Variants in HECW1 observed in about 807,000 individuals in gnomAD.
The protein encoded by HECW1 is E3 ubiquitin-protein ligase HECW1.
A neutral mutation model predicts 182.3 loss-of-function variants in HECW1; 61 were observed. The ratio of observed to expected loss-of-function variants is 0.33; its 90% CI spans 0.27 to 0.41. The LOEUF (loss-of-function observed/expected upper bound fraction) is 0.41. Ranked by LOEUF, HECW1 falls within the 10% of genes least tolerant of loss-of-function variation. The probability of loss-of-function intolerance (pLI) is 1.00; values close to 1 mark genes in which losing one functional copy is unlikely to be tolerated. For missense variants in HECW1, 1,739 were observed against 2,108.9 expected (o/e 0.82, Z 3.44); for synonymous variants, 859 against 832.6 (o/e 1.03, Z -0.55).
intron 10 of HECW1, among the ~76,000 whole-genome samples, chr7:43,442,964 A>T (rs2076935439): frequency 6.6e-6 from 1 of 152,254 alleles, no homozygotes; most frequent in Non-Finnish European, 1.5e-5. Flanking sequence ...TACATGAATG[A>T]ATGAATGAAC....
intron 2 of HECW1, among the ~76,000 whole-genome samples, chr7:43,221,889 G>T (rs574118558): frequency 4.4e-4 from 67 of 152,182 alleles, no homozygotes; most frequent in African/African-American, 1.6e-3. Context: ...TATCATCATA[G>T]GTTGCAATGC....
At chr7:43,265,787 C>T (rs1399337975) in intron 3 of HECW1, among the ~76,000 whole-genome samples, 1 of 152,212 alleles carries the variant, frequency 6.6e-6, no homozygotes. Flanking sequence ...CCAGGATTCC[C>T]ATGCTTTTGC....
At chr7:43,176,562 T>G (rs1355337543) in intron 2 of HECW1, among the ~76,000 whole-genome samples, 1 of 152,162 alleles carries the variant, frequency 6.6e-6, no homozygotes, top group Non-Finnish European at 1.5e-5. Context: ...CTTCACACAG[T>G]GGGGGGCTCA....
At chr7:43,314,411 G>A (rs1584445218) in intron 4 of HECW1, among the ~76,000 whole-genome samples, 1 of 152,076 alleles carries the variant, frequency 6.6e-6, no homozygotes, top group African/African-American at 2.4e-5. Context: ...GCACCAGATA[G>A]TCACAGTGAG....
chr7:43,165,421 C>T (rs1791006498), intron 2 of HECW1, among the ~76,000 whole-genome samples: 1 of 150,846 alleles, frequency 6.6e-6, no homozygotes, highest in Non-Finnish European at 1.5e-5. Flanking sequence ...TGTGTGTGTG[C>T]ACACAGGTAT....
At chr7:43,500,002 T>C (rs1563060049) in intron 19 of HECW1, among the ~76,000 whole-genome samples, 1 of 151,998 alleles carries the variant, frequency 6.6e-6, no homozygotes, top group Non-Finnish European at 1.5e-5. Context: ...CAATGTGGCA[T>C]CATAAATTTT....
intron 13 of HECW1, among the ~76,000 whole-genome samples, chr7:43,456,742 C>G (rs55990573): frequency 0.19 from 29,149 of 152,096 alleles, 2,950 homozygotes; most frequent in South Asian, 0.22. Context: ...CCCTCTCCTG[C>G]GATGTTCACC....
intron 2 of HECW1, among the ~76,000 whole-genome samples, chr7:43,129,344 C>T (rs537986162): frequency 6.6e-6 from 1 of 152,310 alleles, no homozygotes; most frequent in South Asian, 2.1e-4. Flanking sequence ...AGGCAAGACA[C>T]TCCACCAGCA....
At chr7:43,280,891 G>A (rs1010679142) in intron 3 of HECW1, among the ~76,000 whole-genome samples, 3 of 152,168 alleles carry the variant, frequency 2.0e-5, no homozygotes, top group Admixed American at 2.0e-4. Flanking sequence ...TTAAGAGAGG[G>A]GAAGTCTCCA....
intron 8 of HECW1, among the ~76,000 whole-genome samples, chr7:43,430,105 A>G (rs759925822): frequency 6.6e-6 from 1 of 152,240 alleles, no homozygotes; most frequent in Non-Finnish European, 1.5e-5. Context: ...GTGAGTGTGC[A>G]TAAATGAATC....
At chr7:43,130,268 G>A (rs1786764392) in intron 2 of HECW1, among the ~76,000 whole-genome samples, 1 of 152,072 alleles carries the variant, frequency 6.6e-6, no homozygotes, top group African/African-American at 2.4e-5. Context: ...TTCAAATTTT[G>A]AAATAGTTGC....
Position 43,114,219 on chromosome 7 carries a change from G to A in HECW1, c.-204G>A. The A allele has an allele frequency of 5.2e-6, 7 of 1,357,498 alleles. No homozygotes were observed. The highest frequency in any genetic ancestry group is 2.2e-5 in the Admixed American group (1 of 44,480). The allele number at this position is 1,357,498 out of a possible 1,614,324, so 84.1% of individuals were successfully genotyped here. On this transcript the variant is annotated 5_prime_UTR_variant, in exon 2 of 30. Transcript: ENST00000395891. ...GAGCAGCATAGTTCAAAAATTGAGG[G>A]AGGCATCTTCTCTCTTTTCCTGGGA...
chr7:43,284,408 T>C (rs1804334731), intron 3 of HECW1, among the ~76,000 whole-genome samples: 2 of 148,416 alleles, frequency 1.3e-5, no homozygotes, highest in African/African-American at 5.0e-5. Flanking sequence ...GGCTTATGCC[T>C]ATAATCCTAG....
chr7:43,390,747 T>C (rs1300209243), intron 6 of HECW1, among the ~76,000 whole-genome samples: 6 of 151,582 alleles, frequency 4.0e-5, no homozygotes, highest in African/African-American at 7.3e-5. Context: ...TTTTGTGAAG[T>C]TGTGGCAGGC....
intron 3 of HECW1, among the ~76,000 whole-genome samples, chr7:43,280,264 G>A (rs756616408): frequency 2.0e-5 from 3 of 152,128 alleles, no homozygotes; most frequent in African/African-American, 4.8e-5. Context: ...AAATAGCATC[G>A]TGCAGGAGTG....
In HECW1 at chr7:43,391,819, T is replaced by G. The variant is rs527572852; in HGVS notation, c.556-4995T>G. Among the ~76,000 whole-genome samples, 3 of 152,322 alleles carry G rather than the reference T, an allele frequency of 2.0e-5. No homozygotes were observed. In the East Asian group the frequency reaches 5.8e-4, roughly 29 times the overall value. The stretch of plus-strand genomic sequence containing the variant: ...TAAGGTGTGTTTACTTATCTACCAT[T>G]TACTTGTTTGAACATCTCAGAGATT... On this transcript the variant is annotated intron_variant, in intron 6 of 29. Transcript: ENST00000395891.
chr7:43,180,931 A>G (rs1016619137), intron 2 of HECW1, among the ~76,000 whole-genome samples: 41 of 152,196 alleles, frequency 2.7e-4, no homozygotes, highest in African/African-American at 9.9e-4. Context: ...GCAATAGAAT[A>G]GCTGAACTTA....
chr7:43,278,489 A>T (rs948105038), intron 3 of HECW1, among the ~76,000 whole-genome samples: 1 of 151,850 alleles, frequency 6.6e-6, no homozygotes, highest in African/African-American at 2.4e-5. Context: ...CGTTCTCATC[A>T]CAGACCCCAG....
intron 2 of HECW1, among the ~76,000 whole-genome samples, chr7:43,191,034 A>G (rs568555414): frequency 1.3e-5 from 2 of 152,350 alleles, no homozygotes; most frequent in South Asian, 4.1e-4. Context: ...TCACAAAACA[A>G]AAAGGCTCAC....
Sources: gnomAD v4.1 joint callset for allele counts (sites outside exome capture counted in the v4.1 genomes callset) on GRCh38, gnomAD v4.1.1 for gene constraint, MANE v1.5 for transcripts, NCBI Gene and HGNC (gene_info 2026-07-23, HGNC 2026-07-21) for gene names.